Variants in CHRM2 observed in about 807,000 individuals in gnomAD.
The protein encoded by CHRM2 is cholinergic receptor muscarinic 2.
In CHRM2, 8 loss-of-function variants were observed where a neutral mutation model predicts 25.0. That is an observed-to-expected ratio of 0.32 (90% CI 0.19 to 0.58). The LOEUF (loss-of-function observed/expected upper bound fraction) is 0.58. Ranked by LOEUF, CHRM2 falls within the 20% of genes least tolerant of loss-of-function variation. CHRM2 has a pLI of 0.88. For missense variants in CHRM2, 440 were observed against 567.1 expected, an observed-to-expected ratio of 0.78 and a Z score of 2.28; for synonymous variants, 202 against 205.7, an observed-to-expected ratio of 0.98 and a Z score of 0.15.
intron 2 of CHRM2, among the ~76,000 whole-genome samples, chr7:136,951,981 A>T (rs2130858329): frequency 6.6e-6 from 1 of 152,236 alleles, no homozygotes; most frequent in East Asian, 1.9e-4. Context: ...TCTTATCCAC[A>T]AGCAGGTTTA....
intron 2 of CHRM2, among the ~76,000 whole-genome samples, chr7:136,909,338 CT>C (rs1797719546): frequency 6.6e-6 from 1 of 151,898 alleles, no homozygotes; most frequent in Non-Finnish European, 1.5e-5. Context: ...AAAGCATGTG[CT>C]CTTGCATTTT....
chr7:136,957,830 T>C (rs1337777518), intron 2 of CHRM2, among the ~76,000 whole-genome samples: 1 of 152,218 alleles, frequency 6.6e-6, no homozygotes, highest in African/African-American at 2.4e-5. Flanking sequence ...AACATAAAAC[T>C]TTTTATTGAA....
chr7:137,014,727 A>T, intron 3 of CHRM2, 93 bp from the exon 4 acceptor site: 1 of 818,074 alleles, frequency 1.2e-6, no homozygotes. Flanking sequence ...GAGATTTGGG[A>T]GAAAATAATG....
At chr7:136,938,402 G>A (rs1315307056) in intron 2 of CHRM2, 12 of 1,564,394 alleles carry the variant, frequency 7.7e-6, no homozygotes, top group Middle Eastern at 1.7e-4. Flanking sequence ...TCCAGGAACC[G>A]TACCTTGTCT....
intron 2 of CHRM2, among the ~76,000 whole-genome samples, chr7:136,919,755 C>G (rs1798320314): frequency 6.6e-6 from 1 of 152,124 alleles, no homozygotes. Context: ...CAATCACCCA[C>G]TCAACTTTCA....
intron 2 of CHRM2, among the ~76,000 whole-genome samples, chr7:136,937,803 C>T (rs957986691): frequency 1.3e-5 from 2 of 152,136 alleles, no homozygotes; most frequent in Non-Finnish European, 2.9e-5. Context: ...GCTTTTGACA[C>T]CGAACGTGAC....
At chr7:136,968,585 A>G (rs1279433646) in intron 2 of CHRM2, among the ~76,000 whole-genome samples, 1 of 151,742 alleles carries the variant, frequency 6.6e-6, no homozygotes, top group Non-Finnish European at 1.5e-5. Context: ...TCCAATGTTC[A>G]TTTTAGTATT....
chr7:136,897,886 A>G (rs1027417026), intron 2 of CHRM2, among the ~76,000 whole-genome samples: 2 of 152,160 alleles, frequency 1.3e-5, no homozygotes, highest in African/African-American at 4.8e-5. Context: ...TGACTGAAAG[A>G]AAATAAAATT....
At chr7:136,999,223 T>C (rs1803815236) in intron 3 of CHRM2, among the ~76,000 whole-genome samples, 1 of 151,980 alleles carries the variant, frequency 6.6e-6, no homozygotes, top group African/African-American at 2.4e-5. Context: ...AAATGTACCA[T>C]CGGGGAGGGG....
intron 2 of CHRM2, among the ~76,000 whole-genome samples, chr7:136,888,438 T>G (rs1185942543): frequency 2.0e-5 from 3 of 152,188 alleles, no homozygotes; most frequent in African/African-American, 4.8e-5. Flanking sequence ...GCTGTGAGAA[T>G]TCAGCGAGAA....
intron 2 of CHRM2, among the ~76,000 whole-genome samples, chr7:136,932,667 T>C (rs1463327531): frequency 6.6e-6 from 1 of 152,196 alleles, no homozygotes; most frequent in Non-Finnish European, 1.5e-5. Flanking sequence ...ATTATATTAA[T>C]AAAGAGGAAA....
chr7:136,941,009 T>C (rs1162594165), intron 2 of CHRM2, among the ~76,000 whole-genome samples: 5 of 152,208 alleles, frequency 3.3e-5, no homozygotes, highest in Non-Finnish European at 7.3e-5. Flanking sequence ...CAGCTAATAA[T>C]GCAGTCCTAC....
At chr7:136,957,227 T>C (rs1234762009) in intron 2 of CHRM2, among the ~76,000 whole-genome samples, 1 of 151,956 alleles carries the variant, frequency 6.6e-6, no homozygotes, top group Admixed American at 6.6e-5. Flanking sequence ...AGCCCACTCC[T>C]ATCAACATAA....
rs1252483080 is a variant in CHRM2 at position 136,868,864 on chromosome 7, T to C, written c.-411T>C. Reference sequence around the variant, plus strand: ...CCAGGAAATCGCCGAGGTACCCGAATAGGTGTTGCCTCCCAAAACTAATTC... The same window carrying C: ...CCAGGAAATCGCCGAGGTACCCGAACAGGTGTTGCCTCCCAAAACTAATTC... On this transcript the variant is annotated 5_prime_UTR_variant, in exon 1 of 4. Transcript: ENST00000680005. 1 of 152,294 alleles carries C rather than the reference T, an allele frequency of 6.6e-6. No individual in the cohort carries two copies. The highest frequency in any genetic ancestry group is 2.4e-5 in the African/African-American group (1 of 41,430). The allele number at this position is 152,294 out of a possible 1,614,324, so 9.4% of individuals were successfully genotyped here.
chr7:136,979,931 CT>C (rs1802370008), intron 2 of CHRM2, among the ~76,000 whole-genome samples: 2 of 152,094 alleles, frequency 1.3e-5, no homozygotes, highest in Admixed American at 6.6e-5. Context: ...TATATGGGCT[CT>C]TTTTTGGTTC....
intron 3 of CHRM2, among the ~76,000 whole-genome samples, chr7:137,013,262 T>C (rs529241480): frequency 2.3e-4 from 35 of 152,114 alleles, no homozygotes; most frequent in African/African-American, 7.9e-4. Context: ...TTTTGGGTCT[T>C]ATTATATTAA....
At chr7:136,921,459 C>T (rs1267334261) in intron 2 of CHRM2, among the ~76,000 whole-genome samples, 1 of 152,134 alleles carries the variant, frequency 6.6e-6, no homozygotes, top group African/African-American at 2.4e-5. Context: ...TTCAAGTTGA[C>T]AGCTCCCCAT....
intron 2 of CHRM2, among the ~76,000 whole-genome samples, chr7:136,959,519 G>A (rs1167560512): frequency 1.3e-5 from 2 of 152,230 alleles, no homozygotes; most frequent in Admixed American, 6.5e-5. Context: ...CACAGAATGT[G>A]GAGGATGTGC....
At chr7:136,884,200 G>A (rs1329744600) in intron 2 of CHRM2, among the ~76,000 whole-genome samples, 12 of 152,098 alleles carry the variant, frequency 7.9e-5, no homozygotes. Flanking sequence ...TATGATGGAT[G>A]AACTCTTTTA....
Sources: allele counts gnomAD v4.1 joint callset (sites outside exome capture counted in the v4.1 genomes callset), GRCh38; gene constraint gnomAD v4.1.1; transcripts MANE v1.5; gene names NCBI Gene and HGNC (gene_info 2026-07-23, HGNC 2026-07-21).